NYAP2: variants seen among roughly 807,000 people sequenced by gnomAD.
The protein encoded by NYAP2 is neuronal tyrosine-phosphorylated phosphoinositide-3-kinase adaptor 2, also known as neuronal tyrosine-phosphorylated phosphoinositide-3-kinase adapter 2.
Under a neutral mutation model 50.4 loss-of-function variants are expected in NYAP2, and 23 were observed. That is an observed-to-expected ratio of 0.46 (90% confidence interval 0.33 to 0.65). The LOEUF (loss-of-function observed/expected upper bound fraction) is 0.65, where lower values mean the gene tolerates loss of function less well. Among genes scored for constraint, NYAP2 ranks in the 30% least tolerant of loss-of-function variants. The probability of loss-of-function intolerance (pLI) is 0.02; values close to 1 mark genes in which losing one functional copy is unlikely to be tolerated. For missense variants in NYAP2, 885 were observed against 861.0 expected (o/e 1.03, Z -0.35); for synonymous variants, 394 against 365.2 (o/e 1.08, Z -0.90).
At chr2:225,471,249 C>T (rs544625899) in intron 3 of NYAP2, among the ~76,000 whole-genome samples, 59 of 152,294 alleles carry the variant, frequency 3.9e-4, no homozygotes, top group African/African-American at 1.3e-3. Flanking sequence ...AACAGCTATT[C>T]ATGTCCTCAT....
At chr2:225,590,712 G>C (rs2106235374) in intron 5 of NYAP2, among the ~76,000 whole-genome samples, 1 of 152,310 alleles carries the variant, frequency 6.6e-6, no homozygotes, top group Non-Finnish European at 1.5e-5. Context: ...ATGAGTGACT[G>C]TTGTTTTCCT....
Position 225,582,945 on chromosome 2 carries a change from C to G in NYAP2, c.1528C>G (p.Pro510Ala), listed in dbSNP as rs779906824. The G allele has an allele frequency of 9.9e-6, 16 of 1,612,546 alleles. No individual in the cohort carries two copies. The highest frequency in any genetic ancestry group is 1.3e-5 in the African/African-American group (1 of 74,948). The stretch of plus-strand genomic sequence containing the variant: ...CTCCCGGTCCCGGACACCCACGAGC[C>G]CGCTGGAGGAGCTGACCAGCCTCTT... Residue 510 changes from proline to alanine, a missense_variant, in exon 5 of 7, where the codon CCG (proline) becomes GCG (alanine). By Grantham distance (27) the Pro-to-Ala change is conservative. Coordinates refer to ENST00000636099, the Ensembl canonical transcript of NYAP2. This position sits in a 1 kb window ranked among gnomAD's most constrained non-coding sequence, Gnocchi z 7.0.
At chr2:225,626,185 T>C (rs962719672) in intron 5 of NYAP2, among the ~76,000 whole-genome samples, 1 of 152,200 alleles carries the variant, frequency 6.6e-6, no homozygotes, top group East Asian at 1.9e-4. Context: ...GGCAGTTGGA[T>C]AAATGAATGT....
At chr2:225,459,542 A>C (rs1267728521) in intron 3 of NYAP2, among the ~76,000 whole-genome samples, 2 of 152,226 alleles carry the variant, frequency 1.3e-5, no homozygotes, top group Non-Finnish European at 2.9e-5. Flanking sequence ...ACTTAAATTG[A>C]ATAATTAAGC....
chr2:225,407,631 A>G (rs779469420), intron 2 of NYAP2, among the ~76,000 whole-genome samples: 2 of 152,008 alleles, frequency 1.3e-5, no homozygotes, highest in Non-Finnish European at 2.9e-5. Context: ...AAAAAGTGAA[A>G]GTCTGGGAGT....
chr2:225,656,535 T>C (rs2106275510), downstream of NYAP2, among the ~76,000 whole-genome samples: 2 of 152,270 alleles, frequency 1.3e-5, no homozygotes, highest in Middle Eastern at 6.8e-3. Context: ...GTTCTCTCTT[T>C]CCATGGGCTC....
chr2:225,645,314 T>C (rs1286661882), intron 6 of NYAP2, among the ~76,000 whole-genome samples: 1 of 151,950 alleles, frequency 6.6e-6, no homozygotes, highest in East Asian at 1.9e-4. Context: ...CTTAATAAAA[T>C]TGATGATGGT....
chr2:225,619,781 G>A (rs1559231799), intron 5 of NYAP2, among the ~76,000 whole-genome samples: 1 of 152,168 alleles, frequency 6.6e-6, no homozygotes, highest in East Asian at 1.9e-4. Flanking sequence ...TGCTCCTGGT[G>A]TTATCTTTCT....
At chr2:225,476,352 G>T (rs1690106810) in intron 3 of NYAP2, among the ~76,000 whole-genome samples, 1 of 151,430 alleles carries the variant, frequency 6.6e-6, no homozygotes, top group Non-Finnish European at 1.5e-5. Flanking sequence ...GGCGGAGCTT[G>T]CAGTGAGCCA....
intron 3 of NYAP2, among the ~76,000 whole-genome samples, chr2:225,457,152 C>T (rs1014667310): frequency 6.6e-6 from 1 of 152,180 alleles, no homozygotes; most frequent in Non-Finnish European, 1.5e-5. Context: ...CTACGCTATG[C>T]GGAGTGAATG....
the NYAP2 span, among the ~76,000 whole-genome samples, chr2:225,682,433 A>G: frequency 4.2e-3 from 643 of 152,284 alleles, 6 homozygotes; most frequent in African/African-American, 0.014. Flanking sequence ...TTCAACTCCA[A>G]TTGAACACTT....
At chr2:225,470,893 C>T (rs548634636) in intron 3 of NYAP2, among the ~76,000 whole-genome samples, 1 of 152,126 alleles carries the variant, frequency 6.6e-6, no homozygotes, top group Admixed American at 6.5e-5. Flanking sequence ...TCAAGCAGTC[C>T]TCCTACCTCA....
intron 5 of NYAP2, among the ~76,000 whole-genome samples, chr2:225,617,131 T>G (rs79733901): frequency 6.6e-6 from 1 of 152,186 alleles, no homozygotes; most frequent in Admixed American, 6.6e-5. Flanking sequence ...CTATGTGAGA[T>G]TGTGACATTT....
Position 225,450,180 on chromosome 2 carries a change from G to T in NYAP2, c.221+41079G>T, listed in dbSNP as rs1233264118. On this transcript the variant is annotated intron_variant, in intron 3 of 6. Transcript: ENST00000636099. ...TATAACCTACCTTTGTGTAGGTTTA[G>T]TAAGTATAGAGTAGGGAGCAGCCTC... 7.9e-5 allele frequency among the ~76,000 whole-genome samples: 12 copies of T among 152,310 alleles called. No homozygotes were observed. The East Asian group carries it at 2.3e-3, about 29-fold the overall frequency.
the NYAP2 span, among the ~76,000 whole-genome samples, chr2:225,685,227 G>A: frequency 6.6e-6 from 1 of 152,038 alleles, no homozygotes; most frequent in East Asian, 1.9e-4. Flanking sequence ...TAAACCACAT[G>A]TTTACTGAGA....
Position 225,627,146 on chromosome 2 carries a change from T to C in NYAP2, c.1828+20T>C, listed in dbSNP as rs757026348. ...GTTCAGGTAAGGCAGATTATGATCTTCCAGAAGGTAATTCCTCCTGTCTCT... is the reference window on the plus strand; with the variant it reads ...GTTCAGGTAAGGCAGATTATGATCTCCCAGAAGGTAATTCCTCCTGTCTCT... On this transcript the variant is annotated intron_variant, in intron 6 of 6. Transcript: ENST00000636099. 2.1e-5 allele frequency: 32 copies of C among 1,542,828 alleles called. No individual in the cohort carries two copies. The Admixed American group carries it at 2.9e-4, about 14-fold the overall frequency.
At chr2:225,608,642 G>T (rs188048595) in intron 5 of NYAP2, among the ~76,000 whole-genome samples, 104 of 152,078 alleles carry the variant, frequency 6.8e-4, no homozygotes, top group East Asian at 1.5e-3. Flanking sequence ...AAAAGTATTT[G>T]CTGTGCTATT....
At chr2:225,606,484 A>T (rs1255764103) in intron 5 of NYAP2, among the ~76,000 whole-genome samples, 1 of 152,150 alleles carries the variant, frequency 6.6e-6, no homozygotes, top group East Asian at 1.9e-4. Context: ...AGTGTTGAGG[A>T]TACATAAAAA....
intron 5 of NYAP2, among the ~76,000 whole-genome samples, chr2:225,588,570 T>G (rs1436560918): frequency 2.0e-5 from 3 of 152,242 alleles, no homozygotes; most frequent in African/African-American, 4.8e-5. Flanking sequence ...AAAGAATTTG[T>G]AAATAAAAAA....
Sources: gnomAD v4.1 joint callset for allele counts (sites outside exome capture counted in the v4.1 genomes callset) on GRCh38, gnomAD v4.1.1 for gene constraint, Gnocchi (gnomAD v3.1) non-coding constraint, MANE v1.5 for transcripts, NCBI Gene and HGNC (gene_info 2026-07-23, HGNC 2026-07-21) for gene names.